The following KHDRBS2 variants were observed in gnomAD, a reference collection of about 807,000 sequenced individuals.
KHDRBS2 encodes the protein KH domain-containing, RNA-binding, signal transduction-associated protein 2.
A neutral mutation model predicts 44.3 loss-of-function variants in KHDRBS2; 26 were observed. That is an observed-to-expected ratio of 0.59 (90% CI 0.43 to 0.81). The LOEUF is 0.81. Among genes scored for constraint, KHDRBS2 ranks in the 40% least tolerant of loss-of-function variants. The probability of loss-of-function intolerance (pLI) is 0.00; values close to 1 mark genes in which losing one functional copy is unlikely to be tolerated. For synonymous variants in KHDRBS2, 194 were observed against 151.1 expected, an observed-to-expected ratio of 1.28 and a Z score of -2.08; for missense variants, 476 against 433.1, an observed-to-expected ratio of 1.10 and a Z score of -0.88.
intron 1 of KHDRBS2, among the ~76,000 whole-genome samples, chr6:62,199,731 CTACTT>C (rs747261113): frequency 4.6e-5 from 7 of 152,158 alleles, no homozygotes; most frequent in Non-Finnish European, 8.8e-5. Context: ...TTCGAAAAAA[CTACTT>C]TAAAGTTCAC....
At chr6:61,655,005 G>C in the KHDRBS2 span, among the ~76,000 whole-genome samples, 3 of 151,778 alleles carry the variant, frequency 2.0e-5, no homozygotes, top group African/African-American at 7.3e-5. Flanking sequence ...AGCTAGCTGA[G>C]ACAGCTTTCT....
At chr6:62,098,911 T>A (rs2127371070) in intron 2 of KHDRBS2, among the ~76,000 whole-genome samples, 1 of 151,690 alleles carries the variant, frequency 6.6e-6, no homozygotes, top group South Asian at 2.1e-4. Context: ...TGATGTAGTC[T>A]GCTGTTGATG....
chr6:62,071,218 T>C (rs1162073233), intron 2 of KHDRBS2, among the ~76,000 whole-genome samples: 1 of 152,176 alleles, frequency 6.6e-6, no homozygotes, highest in Non-Finnish European at 1.5e-5. Context: ...TTGTTTGAGA[T>C]CATTGTAGAT....
chr6:61,719,776 T>A (rs1013600792), intron 7 of KHDRBS2, among the ~76,000 whole-genome samples: 1 of 151,992 alleles, frequency 6.6e-6, no homozygotes, highest in Non-Finnish European at 1.5e-5. Context: ...TTTTTAAATT[T>A]ATTTATTTAT....
chr6:61,739,139 A>T (rs951213155), intron 6 of KHDRBS2, among the ~76,000 whole-genome samples: 1 of 151,946 alleles, frequency 6.6e-6, no homozygotes, highest in Admixed American at 6.6e-5. Flanking sequence ...ATATAACTTC[A>T]GTGTGACTTG....
At chr6:61,882,107 T>C (rs976428914) in intron 6 of KHDRBS2, among the ~76,000 whole-genome samples, 2 of 151,996 alleles carry the variant, frequency 1.3e-5, no homozygotes, top group Non-Finnish European at 2.9e-5. Flanking sequence ...ACACAATCTC[T>C]GTGATTCTTA....
At chr6:61,583,714 A>C in the KHDRBS2 span, among the ~76,000 whole-genome samples, 4 of 151,552 alleles carry the variant, frequency 2.6e-5, no homozygotes, top group Non-Finnish European at 5.9e-5. Context: ...TTTTTAAAAT[A>C]AATTTTTAAA....
intron 6 of KHDRBS2, among the ~76,000 whole-genome samples, chr6:61,803,364 A>C (rs1390876592): frequency 2.6e-5 from 4 of 152,142 alleles, no homozygotes; most frequent in African/African-American, 9.7e-5. Context: ...AAAAGGTATT[A>C]AAAGCCTGCT....
chr6:61,612,397 A>G, the KHDRBS2 span, among the ~76,000 whole-genome samples: 1 of 152,220 alleles, frequency 6.6e-6, no homozygotes, highest in Non-Finnish European at 1.5e-5. Flanking sequence ...GTTAGAATAA[A>G]TATAGACCTT....
chr6:62,176,848 T>C (rs1821196722), intron 2 of KHDRBS2, among the ~76,000 whole-genome samples: 1 of 151,294 alleles, frequency 6.6e-6, no homozygotes, highest in Admixed American at 6.6e-5. Flanking sequence ...CTCCGTTTTA[T>C]AGTAAGGATA....
chr6:61,922,236 G>A (rs548514337), intron 4 of KHDRBS2, among the ~76,000 whole-genome samples: 78 of 152,138 alleles, frequency 5.1e-4, no homozygotes, highest in African/African-American at 1.7e-3. Context: ...AAATTTCAAA[G>A]CAATGGACAT....
chr6:61,716,303 C>A (rs1771416050), intron 7 of KHDRBS2, among the ~76,000 whole-genome samples: 1 of 151,926 alleles, frequency 6.6e-6, no homozygotes, highest in African/African-American at 2.4e-5. Context: ...ATTTCACATC[C>A]CAGCCATTGA....
intron 1 of KHDRBS2, among the ~76,000 whole-genome samples, chr6:62,226,304 T>TA (rs1434850187): frequency 6.6e-6 from 1 of 152,248 alleles, no homozygotes; most frequent in Non-Finnish European, 1.5e-5. Flanking sequence ...TTGAGCTTTT[T>TA]ATCATATGTT....
At chr6:61,648,853 T>A in the KHDRBS2 span, among the ~76,000 whole-genome samples, 1 of 152,258 alleles carries the variant, frequency 6.6e-6, no homozygotes, top group African/African-American at 2.4e-5. Flanking sequence ...TCCTACCTTA[T>A]TTTTAGGCAC....
chr6:62,170,656 C>T (rs1819802078), intron 2 of KHDRBS2, among the ~76,000 whole-genome samples: 1 of 152,116 alleles, frequency 6.6e-6, no homozygotes, highest in South Asian at 2.1e-4. Flanking sequence ...ATGAGAACAA[C>T]CATGGATCCC....
chr6:62,126,624 G>C (rs1809031794), intron 2 of KHDRBS2, among the ~76,000 whole-genome samples: 1 of 152,146 alleles, frequency 6.6e-6, no homozygotes, highest in South Asian at 2.1e-4. Flanking sequence ...GCTCTAGGCA[G>C]CTCACCACAG....
At chr6:61,659,838 G>A in the KHDRBS2 span, among the ~76,000 whole-genome samples, 2 of 151,586 alleles carry the variant, frequency 1.3e-5, no homozygotes, top group Non-Finnish European at 2.9e-5. Context: ...ATTAAGGTTG[G>A]GCCCATTATG....
chr6:61,648,105 A>C, the KHDRBS2 span, among the ~76,000 whole-genome samples: 1 of 151,980 alleles, frequency 6.6e-6, no homozygotes, highest in Admixed American at 6.6e-5. Context: ...CTAAAATCCT[A>C]TTTTTTCTTT....
chr6:61,897,481 T>A (rs991830791), intron 5 of KHDRBS2, among the ~76,000 whole-genome samples: 1 of 152,150 alleles, frequency 6.6e-6, no homozygotes, highest in Non-Finnish European at 1.5e-5. Flanking sequence ...CTTCACCTAC[T>A]CTTAGTTAAT....
Sources: allele counts gnomAD v4.1 joint callset (sites outside exome capture counted in the v4.1 genomes callset), GRCh38; gene constraint gnomAD v4.1.1; transcripts MANE v1.5; gene names NCBI Gene and HGNC (gene_info 2026-07-23, HGNC 2026-07-21).